The following CSMD2 variants were observed in gnomAD, a reference collection of about 807,000 sequenced individuals.
CSMD2 encodes CUB and Sushi multiple domains 2, also known as CUB and sushi domain-containing protein 2.
Under a neutral mutation model 398.5 loss-of-function variants are expected in CSMD2, and 130 were observed. The observed-to-expected ratio is 0.33, with a 90% confidence interval of 0.28 to 0.38. The LOEUF (loss-of-function observed/expected upper bound fraction) is 0.38, where lower values mean the gene tolerates loss of function less well. CSMD2 is among the 10% of genes least tolerant of loss of function. CSMD2 has a pLI of 1.00. For missense variants in CSMD2, 3,829 were observed against 4,764.9 expected, an observed-to-expected ratio of 0.80 and a Z score of 5.78; for synonymous variants, 1,828 against 1,908.5, an observed-to-expected ratio of 0.96 and a Z score of 1.10.
At chr1:33,783,898 G>A (rs967537207) in intron 12 of CSMD2, among the ~76,000 whole-genome samples, 15 of 152,044 alleles carry the variant, frequency 9.9e-5, no homozygotes, top group African/African-American at 3.1e-4. Context: ...TTATTTGAGG[G>A]GCGAAGCCCA....
chr1:33,623,355 G>A lies in CSMD2; in HGVS notation c.5722+15C>T, dbSNP rs1463880541. 19 of 1,604,942 alleles carry A rather than the reference G, an allele frequency of 1.2e-5. No homozygotes were observed. The highest frequency in any genetic ancestry group is 1.5e-5 in the Non-Finnish European group (18 of 1,171,878). On this transcript the variant is annotated intron_variant, in intron 36 of 70. Coordinates refer to ENST00000373381, the MANE Select transcript of CSMD2 (RefSeq NM_001281956.2). ...TACTACCCTCCAAATTGAAGCCCCT[G>A]GAAACCCAGCTTACCTGAGAAACTC...
chr1:33,775,155 T>C (rs991428683), intron 12 of CSMD2, among the ~76,000 whole-genome samples: 1 of 152,168 alleles, frequency 6.6e-6, no homozygotes, highest in Admixed American at 6.5e-5. Context: ...AATATCTTAG[T>C]GCGATATTTT....
chr1:33,583,189 A>G (rs931302104), intron 47 of CSMD2, among the ~76,000 whole-genome samples: 1 of 152,238 alleles, frequency 6.6e-6, no homozygotes, highest in Non-Finnish European at 1.5e-5. Context: ...TAAATCCTAC[A>G]AAGTTCTGCT....
At chr1:33,707,074 C>T (rs976027147) in intron 22 of CSMD2, among the ~76,000 whole-genome samples, 2 of 152,136 alleles carry the variant, frequency 1.3e-5, no homozygotes, top group African/African-American at 2.4e-5. Context: ...AGAACCCTGA[C>T]GGTGCCGTTG....
chr1:34,148,076 T>C (rs1488834456), intron 1 of CSMD2, among the ~76,000 whole-genome samples: 1 of 152,120 alleles, frequency 6.6e-6, no homozygotes, highest in African/African-American at 2.4e-5. Flanking sequence ...TAAGATGAAC[T>C]TCTAGGTTCA....
rs1662273933 is a variant in CSMD2, at chr1:34,122,345, C to CT, written c.188-33153dup. ...GGGCACCTTTTTCATCTTTACCAAGCTACCCTCTCCTCCAGGCACCGAGGT... is the reference window on the plus strand; with the variant it reads ...GGGCACCTTTTTCATCTTTACCAAGCTTACCCTCTCCTCCAGGCACCGAGGT... On this transcript the variant is annotated intron_variant, in intron 1 of 70. Coordinates refer to ENST00000373381, the MANE Select transcript of CSMD2 (RefSeq NM_001281956.2). 4.6e-5 allele frequency among the ~76,000 whole-genome samples: 7 copies of CT among 152,258 alleles called. No individual in the cohort carries two copies. In the South Asian group the frequency reaches 1.5e-3, roughly 32 times the overall value.
intron 2 of CSMD2, among the ~76,000 whole-genome samples, chr1:34,056,450 T>C (rs1653839361): frequency 6.6e-6 from 1 of 152,190 alleles, no homozygotes; most frequent in African/African-American, 2.4e-5. Context: ...TGCAATTTAG[T>C]ATAATAATTA....
At chr1:33,734,223 G>C (rs1157770726) in intron 15 of CSMD2, among the ~76,000 whole-genome samples, 1 of 149,470 alleles carries the variant, frequency 6.7e-6, no homozygotes, top group Non-Finnish European at 1.5e-5. Context: ...GGTGTAGATA[G>C]AGAATAAATG....
intron 1 of CSMD2, among the ~76,000 whole-genome samples, chr1:34,099,313 G>C (rs1355087243): frequency 6.6e-6 from 1 of 152,198 alleles, no homozygotes; most frequent in African/African-American, 2.4e-5. Flanking sequence ...CTGGATCATA[G>C]ACTAGAAACA....
chr1:34,165,824 C>A (rs750562777), upstream of CSMD2: 5 of 1,613,300 alleles, frequency 3.1e-6, no homozygotes, highest in Admixed American at 8.3e-5. Context: ...TCACAATAGC[C>A]TCCTACCCCA....
intron 28 of CSMD2, among the ~76,000 whole-genome samples, chr1:33,647,875 T>C (rs1366056120): frequency 1.3e-5 from 2 of 152,098 alleles, no homozygotes; most frequent in Non-Finnish European, 2.9e-5. Context: ...TCCACATCAG[T>C]TGGAGAGGAA....
chr1:34,134,105 G>C (rs1309435209), intron 1 of CSMD2, among the ~76,000 whole-genome samples: 1 of 150,750 alleles, frequency 6.6e-6, no homozygotes, highest in East Asian at 1.9e-4. Flanking sequence ...CAGCCAAACA[G>C]GCAGAAATAG....
intron 13 of CSMD2, among the ~76,000 whole-genome samples, chr1:33,768,877 T>C (rs1362619394): frequency 6.6e-6 from 1 of 152,214 alleles, no homozygotes; most frequent in African/African-American, 2.4e-5. Context: ...ACACATATAC[T>C]ATACACATTA....
intron 25 of CSMD2, among the ~76,000 whole-genome samples, chr1:33,690,692 C>A (rs1645206075): frequency 2.6e-5 from 4 of 152,214 alleles, no homozygotes; most frequent in Admixed American, 2.6e-4. Context: ...AACCACTAGT[C>A]ACCGAGGAAC....
chr1:33,702,314 C>T (rs973074385), intron 22 of CSMD2, among the ~76,000 whole-genome samples: 1 of 152,006 alleles, frequency 6.6e-6, no homozygotes, highest in African/African-American at 2.4e-5. Flanking sequence ...AATTTAAACC[C>T]TCACTGGATA....
intron 3 of CSMD2, among the ~76,000 whole-genome samples, chr1:34,028,781 T>C (rs1650030953): frequency 6.6e-6 from 1 of 152,226 alleles, no homozygotes; most frequent in Non-Finnish European, 1.5e-5. Context: ...TAATACAGGT[T>C]GATCCCCTTC....
intron 5 of CSMD2, among the ~76,000 whole-genome samples, chr1:33,896,495 C>T (rs1642396319): frequency 6.6e-6 from 1 of 152,116 alleles, no homozygotes; most frequent in Admixed American, 6.5e-5. Context: ...TAAGATTACC[C>T]CAGCAGTCCC....
At chr1:34,080,942 G>GAAAGAAAGAAAGAAAT (rs1657008599) in intron 2 of CSMD2, among the ~76,000 whole-genome samples, 2 of 60,594 alleles carry the variant, frequency 3.3e-5, no homozygotes, top group East Asian at 3.0e-4. Context: ...AAGAAAGAAA[G>GAAAGAAAGAAAGAAAT]AAAGAAAGAA....
At chr1:33,941,056 A>G (rs147567452) in intron 3 of CSMD2, among the ~76,000 whole-genome samples, 3 of 152,154 alleles carry the variant, frequency 2.0e-5, no homozygotes, top group Admixed American at 6.5e-5. Flanking sequence ...TCTCCCATCT[A>G]TAAAGCTTCC....
Sources: allele counts gnomAD v4.1 joint callset (sites outside exome capture counted in the v4.1 genomes callset), GRCh38; gene constraint gnomAD v4.1.1; transcripts MANE v1.5; gene names NCBI Gene and HGNC (gene_info 2026-07-23, HGNC 2026-07-21).